The following WDFY4 variants were observed in gnomAD, a reference collection of about 807,000 sequenced individuals.
WDFY4 encodes WD repeat- and FYVE domain-containing protein 4.
Under a neutral mutation model 351.9 loss-of-function variants are expected in WDFY4, and 169 were observed. The observed-to-expected ratio is 0.48, with a 90% CI of 0.42 to 0.55. WDFY4 has a LOEUF of 0.55. Ranked by LOEUF, WDFY4 falls within the 20% of genes least tolerant of loss-of-function variation. The pLI is 0.00. For missense variants in WDFY4, 3,803 were observed against 3,935.6 expected, an observed-to-expected ratio of 0.97 and a Z score of 0.90; for synonymous variants, 1,622 against 1,574.6, an observed-to-expected ratio of 1.03 and a Z score of -0.71.
intron 12 of WDFY4, among the ~76,000 whole-genome samples, chr10:48,748,863 T>C (rs1171591749): frequency 2.6e-5 from 4 of 152,196 alleles, no homozygotes; most frequent in Admixed American, 6.5e-5. Flanking sequence ...CTTGGGCAAG[T>C]GGCTTCCCTC....
At chr10:48,789,748 A>G in intron 21 of WDFY4, 126 bp from the exon 22 acceptor site, 3 of 810,416 alleles carry the variant, frequency 3.7e-6, no homozygotes, top group Admixed American at 2.5e-5. Flanking sequence ...TATTCATTCC[A>G]TGATCATTGC....
chr10:48,837,471 T>C (rs1288866783), intron 39 of WDFY4, among the ~76,000 whole-genome samples: 1 of 152,058 alleles, frequency 6.6e-6, no homozygotes, highest in Non-Finnish European at 1.5e-5. Context: ...GGAGCCAAAC[T>C]GTGGGTGACA....
chr10:48,705,797 C>T (rs942036681), intron 1 of WDFY4, among the ~76,000 whole-genome samples: 1 of 152,234 alleles, frequency 6.6e-6, no homozygotes, highest in East Asian at 1.9e-4. Context: ...GATCCTTTCT[C>T]TGGATCTCCA....
chr10:48,941,246 G>T (rs1026611434), intron 47 of WDFY4, among the ~76,000 whole-genome samples: 1 of 152,150 alleles, frequency 6.6e-6, no homozygotes, highest in Non-Finnish European at 1.5e-5. Flanking sequence ...CCGGGTGTAC[G>T]ATGTGATCCC....
intron 24 of WDFY4, among the ~76,000 whole-genome samples, chr10:48,797,073 C>A (rs2066901166): frequency 6.6e-6 from 1 of 152,202 alleles, no homozygotes; most frequent in Non-Finnish European, 1.5e-5. Context: ...ATGCTAGGTG[C>A]TTCAGTGAGA....
chr10:48,849,111 A>G (rs752203417), intron 39 of WDFY4, among the ~76,000 whole-genome samples: 3 of 152,206 alleles, frequency 2.0e-5, no homozygotes, highest in Non-Finnish European at 4.4e-5. Context: ...AGGAATCTGG[A>G]GTTGACATTA....
Position 48,932,182 on chromosome 10 carries a change from G to T in WDFY4, c.7587-9624G>T, listed in dbSNP as rs528232666. On this transcript the variant is annotated intron_variant, in intron 47 of 61. Transcript: ENST00000325239. ...AAATGTTAGGTGACCAGTGTTCAGT[G>T]GGCACTCAACAAAGCCAGTCATCTG... Among the ~76,000 whole-genome samples the T allele has an allele frequency of 2.0e-5, 3 of 152,288 alleles. No homozygotes were observed. The South Asian group carries it at 6.2e-4, about 32-fold the overall frequency.
intron 2 of WDFY4, among the ~76,000 whole-genome samples, chr10:48,713,601 C>T (rs1296520222): frequency 3.3e-5 from 5 of 152,168 alleles, no homozygotes; most frequent in Non-Finnish European, 7.3e-5. Context: ...CTAATGGGAT[C>T]TCAACAAACT....
chr10:48,768,692 C>T (rs2065755616), intron 13 of WDFY4, among the ~76,000 whole-genome samples: 1 of 146,840 alleles, frequency 6.8e-6, no homozygotes, highest in Admixed American at 6.8e-5. Flanking sequence ...GTCGAGCAGC[C>T]ACCCACGGTG....
intron 27 of WDFY4, among the ~76,000 whole-genome samples, chr10:48,807,548 G>T (rs114241080): frequency 1.7e-3 from 255 of 152,258 alleles, no homozygotes; most frequent in African/African-American, 5.8e-3. Flanking sequence ...ATTATGAAAT[G>T]TTGCAGCCTA....
At chr10:48,799,499 G>A (rs1440175775) in intron 24 of WDFY4, among the ~76,000 whole-genome samples, 1 of 152,148 alleles carries the variant, frequency 6.6e-6, no homozygotes, top group Non-Finnish European at 1.5e-5. Context: ...AGAAACGGCC[G>A]GGCTTGGTGG....
At chr10:48,929,674 A>G (rs1162504606) in intron 47 of WDFY4, among the ~76,000 whole-genome samples, 1 of 152,140 alleles carries the variant, frequency 6.6e-6, no homozygotes, top group Admixed American at 6.5e-5. Context: ...TTGCTCCCCA[A>G]TTCTGGACTC....
intron 43 of WDFY4, 39 bp from the exon 44 acceptor site, chr10:48,890,540 T>G: frequency 6.4e-7 from 1 of 1,551,144 alleles, no homozygotes; most frequent in Non-Finnish European, 8.7e-7. Flanking sequence ...TGGGCATGCT[T>G]CCTGTGCACC....
chr10:48,908,053 G>C (rs902941538), intron 47 of WDFY4, among the ~76,000 whole-genome samples: 1 of 152,202 alleles, frequency 6.6e-6, no homozygotes, highest in Non-Finnish European at 1.5e-5. Context: ...TCAGACCTTG[G>C]CCGTGGCCCC....
chr10:48,891,399 A>G (rs553401909), intron 44 of WDFY4, among the ~76,000 whole-genome samples: 2 of 152,220 alleles, frequency 1.3e-5, no homozygotes, highest in East Asian at 1.9e-4. Flanking sequence ...TTATTGTGCA[A>G]TTCTCCTGTG....
chr10:48,901,946 A>G, intron 47 of WDFY4, 83 bp downstream of exon 47: 1 of 1,274,088 alleles, frequency 7.8e-7, no homozygotes, highest in Admixed American at 2.0e-5. Context: ...ACTCTAAAGA[A>G]GTCTTGCAGA....
At chr10:48,755,364 T>C (rs1353137154) in intron 12 of WDFY4, among the ~76,000 whole-genome samples, 1 of 152,196 alleles carries the variant, frequency 6.6e-6, no homozygotes, top group African/African-American at 2.4e-5. Context: ...TTGAAGGTTT[T>C]AAATTTTGAT....
At chr10:48,888,831 G>A (rs2070574588) in intron 43 of WDFY4, among the ~76,000 whole-genome samples, 1 of 152,210 alleles carries the variant, frequency 6.6e-6, no homozygotes, top group South Asian at 2.1e-4. Context: ...TCCAAGAACA[G>A]AATGGTGTTC....
At chr10:48,710,072 CT>C in intron 2 of WDFY4, 106 bp downstream of exon 2, 1 of 1,094,186 alleles carries the variant, frequency 9.1e-7, no homozygotes, top group South Asian at 1.7e-5. Flanking sequence ...CAAGTGGACT[CT>C]GATTGGTTGC....
Sources: allele counts gnomAD v4.1 joint callset (sites outside exome capture counted in the v4.1 genomes callset), GRCh38; gene constraint gnomAD v4.1.1; transcripts MANE v1.5; gene names NCBI Gene and HGNC (gene_info 2026-07-23, HGNC 2026-07-21).